Variants in CNTNAP2 observed in about 807,000 individuals in gnomAD.
CNTNAP2 encodes the protein contactin associated protein 2.
A neutral mutation model predicts 155.2 loss-of-function variants in CNTNAP2; 98 were observed. The ratio of observed to expected loss-of-function variants is 0.63; its 90% CI spans 0.54 to 0.75. The LOEUF (loss-of-function observed/expected upper bound fraction) is 0.75. CNTNAP2 is among the 30% of genes least tolerant of loss of function. The pLI is 0.00. For missense variants in CNTNAP2, 1,727 were observed against 1,688.1 expected, an observed-to-expected ratio of 1.02 and a Z score of -0.40; for synonymous variants, 651 against 631.2, an observed-to-expected ratio of 1.03 and a Z score of -0.47.
intron 21 of CNTNAP2, among the ~76,000 whole-genome samples, chr7:148,267,585 G>A (rs1024016100): frequency 4.0e-5 from 6 of 151,170 alleles, no homozygotes; most frequent in African/African-American, 1.5e-4. Context: ...AACCCCGGAG[G>A]TGGAGGTTGC....
At chr7:146,633,833 A>AAAAAAAAAAC (rs1563165257) in intron 1 of CNTNAP2, among the ~76,000 whole-genome samples, 9 of 32,800 alleles carry the variant, frequency 2.7e-4, no homozygotes, top group Non-Finnish European at 5.7e-4. Context: ...GCATCTAGAG[A>AAAAAAAAAAC]AAAAAAAAAA....
chr7:148,312,915 T>TG (rs1204942930), intron 21 of CNTNAP2, among the ~76,000 whole-genome samples: 5 of 66,622 alleles, frequency 7.5e-5, no homozygotes, highest in Admixed American at 1.6e-4. Context: ...GAGATACAAG[T>TG]GGGGGGGATG....
At chr7:148,180,151 C>T (rs1272743523) in intron 18 of CNTNAP2, among the ~76,000 whole-genome samples, 2 of 152,188 alleles carry the variant, frequency 1.3e-5, no homozygotes, top group East Asian at 1.9e-4. Flanking sequence ...CATTTTTCCT[C>T]AGGTCTACCT....
At chr7:148,190,287 A>G (rs1471776182) in intron 18 of CNTNAP2, 1 of 152,232 alleles carries the variant, frequency 6.6e-6, no homozygotes, top group Non-Finnish European at 1.5e-5. Flanking sequence ...CGGACACATG[A>G]AAAAGCTTTG....
intron 8 of CNTNAP2, among the ~76,000 whole-genome samples, chr7:147,281,628 A>G (rs1372313588): frequency 6.6e-6 from 1 of 151,810 alleles, no homozygotes; most frequent in Non-Finnish European, 1.5e-5. Context: ...TCCCTACAAT[A>G]CTACTAATAT....
At chr7:146,720,975 AGACTAT>A in intron 1 of CNTNAP2, among the ~76,000 whole-genome samples, 1 of 106,992 alleles carries the variant, frequency 9.3e-6, no homozygotes, top group Non-Finnish European at 1.7e-5. Flanking sequence ...GTATATATAT[AGACTAT>A]ATATACTGTA....
chr7:147,245,027 T>TTAGG (rs1212760952), intron 8 of CNTNAP2, among the ~76,000 whole-genome samples: 2 of 152,140 alleles, frequency 1.3e-5, no homozygotes, highest in Non-Finnish European at 2.9e-5. Context: ...CTAGAGGGCC[T>TTAGG]TAGGGGATTA....
At chr7:148,107,093 A>T (rs1489683527) in intron 15 of CNTNAP2, among the ~76,000 whole-genome samples, 2 of 152,192 alleles carry the variant, frequency 1.3e-5, no homozygotes, top group Non-Finnish European at 1.5e-5. Context: ...CACCCTCCAA[A>T]CATGTGAAAC....
chr7:147,574,883 G>T (rs1208821239), intron 12 of CNTNAP2, among the ~76,000 whole-genome samples: 1 of 152,150 alleles, frequency 6.6e-6, no homozygotes, highest in East Asian at 1.9e-4. Flanking sequence ...GGAGACCTAG[G>T]GATCTACTAT....
At chr7:147,062,051 C>T (rs1244280854) in intron 4 of CNTNAP2, among the ~76,000 whole-genome samples, 51 of 139,488 alleles carry the variant, frequency 3.7e-4, no homozygotes, top group Non-Finnish European at 9.0e-5. Context: ...TGGAGTGAAC[C>T]CGGGAGGCAG....
At chr7:147,366,660 C>T (rs768517757) in intron 9 of CNTNAP2, among the ~76,000 whole-genome samples, 3 of 152,010 alleles carry the variant, frequency 2.0e-5, no homozygotes, top group Non-Finnish European at 2.9e-5. Context: ...TTGCATCTCA[C>T]AAGTTTTGTT....
intron 12 of CNTNAP2, among the ~76,000 whole-genome samples, chr7:147,618,132 T>G (rs997740562): frequency 3.9e-5 from 6 of 152,134 alleles, no homozygotes; most frequent in Non-Finnish European, 8.8e-5. Flanking sequence ...AAAATGGAAT[T>G]TATTCGTTTT....
At chr7:148,218,936 CTTTTTTTTTT>C (rs746349465) in intron 19 of CNTNAP2, among the ~76,000 whole-genome samples, 4 of 73,630 alleles carry the variant, frequency 5.4e-5, no homozygotes, top group Non-Finnish European at 9.8e-5. Context: ...TAAGATCACT[CTTTTTTTTTT>C]TTTTTTTTTT....
chr7:148,021,401 G>A (rs1030169609), intron 15 of CNTNAP2, among the ~76,000 whole-genome samples: 15 of 152,200 alleles, frequency 9.9e-5, no homozygotes, highest in Admixed American at 4.6e-4. Flanking sequence ...CACTATGCTG[G>A]AAGTCAGCCC....
intron 21 of CNTNAP2, among the ~76,000 whole-genome samples, chr7:148,290,150 T>C (rs922080525): frequency 3.9e-5 from 6 of 152,228 alleles, no homozygotes; most frequent in African/African-American, 1.4e-4. Context: ...AATTGAATAA[T>C]ATTTTGATGT....
chr7:147,735,297 A>G (rs1224638454), intron 13 of CNTNAP2, among the ~76,000 whole-genome samples: 3 of 152,278 alleles, frequency 2.0e-5, no homozygotes, highest in South Asian at 4.1e-4. Flanking sequence ...GTCATTCAGG[A>G]GCAGGTCGTT....
chr7:147,958,111 G>C (rs949230224), intron 14 of CNTNAP2, among the ~76,000 whole-genome samples: 1 of 152,096 alleles, frequency 6.6e-6, no homozygotes, highest in Non-Finnish European at 1.5e-5. Flanking sequence ...TAAATACTGT[G>C]ATCTTAAGCA....
At chr7:146,233,661 T>A (rs1412819456) in intron 1 of CNTNAP2, among the ~76,000 whole-genome samples, 14 of 152,080 alleles carry the variant, frequency 9.2e-5, no homozygotes, top group Non-Finnish European at 2.1e-4. Flanking sequence ...TTCCCCTTCC[T>A]GTGTCCATGT....
At chr7:146,603,612 C>T (rs1798988366) in intron 1 of CNTNAP2, among the ~76,000 whole-genome samples, 1 of 150,760 alleles carries the variant, frequency 6.6e-6, no homozygotes, top group Non-Finnish European at 1.5e-5. Context: ...CCCGCATTGC[C>T]AAGTCAACCC....
Sources: gnomAD v4.1 joint callset for allele counts (sites outside exome capture counted in the v4.1 genomes callset) on GRCh38, gnomAD v4.1.1 for gene constraint, MANE v1.5 for transcripts, NCBI Gene and HGNC (gene_info 2026-07-23, HGNC 2026-07-21) for gene names.